Variants in KAZN observed in about 807,000 individuals in gnomAD.
KAZN encodes the protein kazrin, periplakin interacting protein.
KAZN carries 40 observed loss-of-function variants against 87.4 expected under a neutral mutation model. The ratio of observed to expected loss-of-function variants is 0.46; its 90% confidence interval spans 0.36 to 0.60. The LOEUF (loss-of-function observed/expected upper bound fraction) is 0.60, where lower values mean the gene tolerates loss of function less well. Among genes scored for constraint, KAZN ranks in the 20% least tolerant of loss-of-function variants. The probability of loss-of-function intolerance (pLI) is 0.00; values close to 1 mark genes in which losing one functional copy is unlikely to be tolerated. For synonymous variants in KAZN, 466 were observed against 458.3 expected (o/e 1.02, Z -0.22); for missense variants, 898 against 1,073.9 (o/e 0.84, Z 2.29).
intron 2 of KAZN, among the ~76,000 whole-genome samples, chr1:14,319,499 G>A (rs1655899984): frequency 6.6e-6 from 1 of 151,712 alleles, no homozygotes; most frequent in Non-Finnish European, 1.5e-5. Context: ...CCCAAGTAGA[G>A]GGAGGGGGGC....
At chr1:14,778,228 G>A (rs755676500) in intron 1 of KAZN, among the ~76,000 whole-genome samples, 2 of 152,054 alleles carry the variant, frequency 1.3e-5, no homozygotes, top group African/African-American at 4.8e-5. Flanking sequence ...TGACACAGAG[G>A]ACACAAAGGC....
At chr1:14,987,498 A>T (rs892647984) in intron 2 of KAZN, among the ~76,000 whole-genome samples, 2 of 147,712 alleles carry the variant, frequency 1.4e-5, no homozygotes, top group Admixed American at 6.8e-5. Flanking sequence ...CATCTCAATT[A>T]AAAAAAAAAA....
At chr1:14,957,844 G>A (rs112573544) in intron 1 of KAZN, among the ~76,000 whole-genome samples, 70 of 152,226 alleles carry the variant, frequency 4.6e-4, no homozygotes, top group Non-Finnish European at 8.1e-4. Context: ...TGTCGGCACC[G>A]AGTGAGATGT....
intron 1 of KAZN, among the ~76,000 whole-genome samples, chr1:14,103,029 G>A (rs1199941353): frequency 1.4e-4 from 21 of 151,426 alleles, no homozygotes; most frequent in Admixed American, 1.4e-3. Context: ...ATGCCTTCAT[G>A]CCTCAGCCTC....
intron 6 of KAZN, 42 bp from the exon 7 acceptor site, chr1:15,063,530 C>A: frequency 6.3e-7 from 1 of 1,578,404 alleles, no homozygotes; most frequent in Non-Finnish European, 8.7e-7. Flanking sequence ...CCTGTGTCAC[C>A]TGTCTCTGCT....
chr1:14,872,732 T>TAAGAATC (rs1652274078), intron 1 of KAZN, among the ~76,000 whole-genome samples: 2 of 152,178 alleles, frequency 1.3e-5, no homozygotes, highest in African/African-American at 4.8e-5. Flanking sequence ...TAAGAAATTA[T>TAAGAATC]TGCATGGATG....
At chr1:14,347,127 T>C (rs1159792405) in intron 2 of KAZN, among the ~76,000 whole-genome samples, 4 of 152,202 alleles carry the variant, frequency 2.6e-5, no homozygotes, top group African/African-American at 4.8e-5. Context: ...GGGTGACACC[T>C]TTGCTTTGGG....
chr1:14,640,802 C>T (rs187503958), intron 1 of KAZN, among the ~76,000 whole-genome samples: 1 of 152,340 alleles, frequency 6.6e-6, no homozygotes, highest in Admixed American at 6.5e-5. Flanking sequence ...CCTCTGACCC[C>T]TTTAGCAGCT....
chr1:14,829,854 G>A (rs534899079), intron 1 of KAZN, among the ~76,000 whole-genome samples: 1 of 152,322 alleles, frequency 6.6e-6, no homozygotes, highest in African/African-American at 2.4e-5. Flanking sequence ...TTTAGACTTC[G>A]TCCAAAGGTC....
At chr1:14,473,652 A>C (rs574352599) in intron 2 of KAZN, among the ~76,000 whole-genome samples, 37 of 146,384 alleles carry the variant, frequency 2.5e-4, no homozygotes, top group Admixed American at 1.5e-3. Flanking sequence ...AAAAAAAAAA[A>C]ACACAAAAAC....
At chr1:15,110,740 G>A (rs950675895) in intron 13 of KAZN, among the ~76,000 whole-genome samples, 5 of 152,234 alleles carry the variant, frequency 3.3e-5, no homozygotes, top group South Asian at 2.1e-4. Context: ...TGGGAAGGCC[G>A]TGGTCTAGAC....
chr1:13,929,877 C>A (rs12031316), intron 1 of KAZN, among the ~76,000 whole-genome samples: 2,803 of 152,290 alleles, frequency 0.018, 84 homozygotes, highest in African/African-American at 0.06. Flanking sequence ...CAACTGCCTG[C>A]AGTAGGTATT....
chr1:13,962,057 C>T (rs1053747074), intron 1 of KAZN, among the ~76,000 whole-genome samples: 2 of 152,166 alleles, frequency 1.3e-5, no homozygotes, highest in Admixed American at 6.5e-5. Context: ...CTGGCTGGAG[C>T]GTTGGCCATG....
In KAZN at chr1:14,178,571, A is replaced by T. The variant is rs112879664; in HGVS notation, c.92-1864A>T. ...TTCTACTTTTCTCTTTATTATATTC[A>T]TGTTTGTTTTACAACCTTGAACAAG... is the stretch of plus-strand genomic sequence containing the variant. On this transcript the variant is annotated intron_variant, in intron 1 of 16. Coordinates refer to the KAZN transcript ENST00000636203. Among the ~76,000 whole-genome samples, 1,076 of 152,146 alleles carry T rather than the reference A, an allele frequency of 7.1e-3. 17 individuals are homozygous for T. The highest frequency in any genetic ancestry group is 0.025 in the African/African-American group (1,021 of 41,514).
At chr1:14,042,083 GTCT>G (rs1641861598) in intron 1 of KAZN, among the ~76,000 whole-genome samples, 1 of 151,974 alleles carries the variant, frequency 6.6e-6, no homozygotes, top group Admixed American at 6.6e-5. Flanking sequence ...TTTTTTCTTT[GTCT>G]ACTACTTATT....
intron 2 of KAZN, among the ~76,000 whole-genome samples, chr1:14,477,012 C>T (rs1008783282): frequency 8.5e-5 from 13 of 152,186 alleles, no homozygotes; most frequent in Non-Finnish European, 1.6e-4. Context: ...ATGTCACCAA[C>T]CTGGAAAGGC....
chr1:14,301,009 T>C (rs1654513344), intron 2 of KAZN, among the ~76,000 whole-genome samples: 1 of 152,152 alleles, frequency 6.6e-6, no homozygotes, highest in Admixed American at 6.5e-5. Flanking sequence ...TTTATACCTA[T>C]GTCAGACTCA....
chr1:14,681,651 A>G (rs77201790), intron 1 of KAZN, among the ~76,000 whole-genome samples: 4 of 9,292 alleles, frequency 4.3e-4, no homozygotes, highest in African/African-American at 1.2e-3. Flanking sequence ...ATATATATAT[A>G]TATATATTTT....
At chr1:14,990,975 G>A (rs186479089) in intron 2 of KAZN, among the ~76,000 whole-genome samples, 6 of 151,654 alleles carry the variant, frequency 4.0e-5, no homozygotes, top group African/African-American at 1.5e-4. Flanking sequence ...AGGTGGGGGT[G>A]ATGTGTCTGC....
Sources: allele counts gnomAD v4.1 joint callset (sites outside exome capture counted in the v4.1 genomes callset), GRCh38; gene constraint gnomAD v4.1.1; transcripts MANE v1.5; gene names NCBI Gene and HGNC (gene_info 2026-07-23, HGNC 2026-07-21).